Variants in STAG1 observed in about 807,000 individuals in gnomAD.
STAG1 encodes cohesin subunit SA-1.
STAG1 carries 26 observed loss-of-function variants against 170.9 expected under a neutral mutation model. The observed-to-expected ratio is 0.15, with a 90% CI of 0.11 to 0.21. The LOEUF (loss-of-function observed/expected upper bound fraction) is 0.21. Ranked by LOEUF, STAG1 falls within the 10% of genes least tolerant of loss-of-function variation. The pLI is 1.00. For missense variants in STAG1, 964 were observed against 1,509.5 expected (o/e 0.64, Z 5.99); for synonymous variants, 514 against 497.7 (o/e 1.03, Z -0.44).
chr3:136,699,565 T>TA (rs777921203), intron 1 of STAG1, among the ~76,000 whole-genome samples: 23 of 151,766 alleles, frequency 1.5e-4, no homozygotes, highest in Non-Finnish European at 2.6e-4. Flanking sequence ...TTTTTTTTTT[T>TA]ATGGTAGATG....
intron 1 of STAG1, among the ~76,000 whole-genome samples, chr3:136,689,483 A>C (rs1419735653): frequency 6.6e-6 from 1 of 152,254 alleles, no homozygotes; most frequent in Non-Finnish European, 1.5e-5. Flanking sequence ...TACTATAGTT[A>C]ACAGTGGATA....
intron 9 of STAG1, among the ~76,000 whole-genome samples, chr3:136,481,878 G>A (rs1191772543): frequency 2.3e-5 from 1 of 44,272 alleles, no homozygotes; most frequent in Non-Finnish European, 4.7e-5. Context: ...AGAGGTGTTT[G>A]TAGTATTCTC....
At chr3:136,602,016 A>T (rs1938697503) in intron 4 of STAG1, among the ~76,000 whole-genome samples, 1 of 152,200 alleles carries the variant, frequency 6.6e-6, no homozygotes, top group Non-Finnish European at 1.5e-5. Flanking sequence ...ACTGGCATTA[A>T]GCTTTAATAC....
intron 1 of STAG1, among the ~76,000 whole-genome samples, chr3:136,742,449 C>G (rs1159197127): frequency 6.6e-6 from 1 of 152,110 alleles, no homozygotes; most frequent in Non-Finnish European, 1.5e-5. Flanking sequence ...CACGGTGGCT[C>G]ATGCCTATAA....
At chr3:136,647,659 A>G (rs1941079879) in intron 1 of STAG1, among the ~76,000 whole-genome samples, 1 of 152,188 alleles carries the variant, frequency 6.6e-6, no homozygotes, top group South Asian at 2.1e-4. Flanking sequence ...CCCCATGTCA[A>G]TATTTCATTT....
chr3:136,409,642 G>A (rs941527982), intron 21 of STAG1, among the ~76,000 whole-genome samples: 1 of 152,094 alleles, frequency 6.6e-6, no homozygotes, highest in Admixed American at 6.6e-5. Context: ...CAGCCAAAAT[G>A]TGACTACATT....
chr3:136,467,316 C>G (rs1393563315), intron 12 of STAG1, among the ~76,000 whole-genome samples: 3 of 152,014 alleles, frequency 2.0e-5, no homozygotes, highest in Non-Finnish European at 2.9e-5. Context: ...GGAGGAAGAT[C>G]TACCAAGCAA....
At chr3:136,720,288 T>A (rs898860727) in intron 1 of STAG1, among the ~76,000 whole-genome samples, 1 of 150,546 alleles carries the variant, frequency 6.6e-6, no homozygotes, top group Non-Finnish European at 1.5e-5. Flanking sequence ...AAATCCAAAA[T>A]AGGTGGCATG....
At chr3:136,600,537 ATTT>A (rs1162261764) in intron 4 of STAG1, among the ~76,000 whole-genome samples, 1 of 151,804 alleles carries the variant, frequency 6.6e-6, no homozygotes, top group Non-Finnish European at 1.5e-5. Context: ...CTTGCTCTTT[ATTT>A]TTTATTTTTG....
chr3:136,655,449 T>C (rs1351077703), intron 1 of STAG1, among the ~76,000 whole-genome samples: 1 of 152,108 alleles, frequency 6.6e-6, no homozygotes, highest in African/African-American at 2.4e-5. Context: ...CATCATCCAT[T>C]AGGATGGCTA....
intron 22 of STAG1, among the ~76,000 whole-genome samples, chr3:136,398,501 G>A (rs966834919): frequency 7.9e-5 from 12 of 151,586 alleles, no homozygotes; most frequent in African/African-American, 2.4e-4. Context: ...GTTTTAATCC[G>A]TGTGTGTGTG....
At chr3:136,665,955 G>T (rs1379754047) in intron 1 of STAG1, among the ~76,000 whole-genome samples, 5 of 150,544 alleles carry the variant, frequency 3.3e-5, no homozygotes, top group Non-Finnish European at 7.4e-5. Flanking sequence ...GGCACATGTA[G>T]TCCCAGCTAC....
At chr3:136,429,071 A>T (rs1483978784) in intron 16 of STAG1, among the ~76,000 whole-genome samples, 1 of 152,198 alleles carries the variant, frequency 6.6e-6, no homozygotes, top group Non-Finnish European at 1.5e-5. Context: ...CATGAGGCAG[A>T]GGTTGCAGTA....
intron 22 of STAG1, 59 bp from the exon 23 acceptor site, chr3:136,377,811 G>A: frequency 7.1e-7 from 1 of 1,411,768 alleles, no homozygotes; most frequent in Middle Eastern, 1.8e-4. Flanking sequence ...AACTGATCTA[G>A]AAGAAACAGT....
At chr3:136,463,792 TATAC>T (rs1194201806) in intron 13 of STAG1, among the ~76,000 whole-genome samples, 1 of 72,576 alleles carries the variant, frequency 1.4e-5, no homozygotes, top group Non-Finnish European at 3.7e-5. Context: ...CACACACACA[TATAC>T]ATATACATAC....
At chr3:136,527,154 G>C (rs1375480918) in intron 6 of STAG1, among the ~76,000 whole-genome samples, 1 of 152,082 alleles carries the variant, frequency 6.6e-6, no homozygotes, top group East Asian at 1.9e-4. Context: ...TGCTAGGTTG[G>C]GGAAGTTCTC....
intron 32 of STAG1, among the ~76,000 whole-genome samples, chr3:136,338,867 G>C (rs1389064762): frequency 1.3e-5 from 2 of 152,164 alleles, no homozygotes; most frequent in Non-Finnish European, 2.9e-5. Context: ...TTATAGATTG[G>C]AGTAATATGA....
intron 9 of STAG1, among the ~76,000 whole-genome samples, chr3:136,478,801 G>T (rs980744168): frequency 1.3e-5 from 2 of 152,072 alleles, no homozygotes; most frequent in Non-Finnish European, 2.9e-5. Flanking sequence ...CTCATGGAGA[G>T]GCTGTACAAC....
intron 7 of STAG1, among the ~76,000 whole-genome samples, chr3:136,513,461 G>C (rs549843185): frequency 6.6e-5 from 10 of 151,712 alleles, no homozygotes; most frequent in Non-Finnish European, 1.5e-4. Flanking sequence ...AAAGGACAAA[G>C]AAATGGAAAA....
Sources: allele counts gnomAD v4.1 joint callset (sites outside exome capture counted in the v4.1 genomes callset), GRCh38; gene constraint gnomAD v4.1.1; transcripts MANE v1.5; gene names NCBI Gene and HGNC (gene_info 2026-07-23, HGNC 2026-07-21).